Variants in BMPR1A observed in about 807,000 individuals in gnomAD.
BMPR1A encodes bone morphogenetic protein receptor type-1A.
Under a neutral mutation model 66.0 loss-of-function variants are expected in BMPR1A, and 7 were observed. That is an observed-to-expected ratio of 0.11 (90% confidence interval 0.06 to 0.20). The LOEUF is 0.20. BMPR1A is among the 10% of genes least tolerant of loss of function. The probability of loss-of-function intolerance (pLI) is 1.00; values close to 1 mark genes in which losing one functional copy is unlikely to be tolerated. For missense variants in BMPR1A, 408 were observed against 669.1 expected, an observed-to-expected ratio of 0.61 and a Z score of 4.31; for synonymous variants, 200 against 229.7, an observed-to-expected ratio of 0.87 and a Z score of 1.17.
chr10:86,832,268 T>C (rs926231376), intron 1 of BMPR1A, among the ~76,000 whole-genome samples: 1 of 152,094 alleles, frequency 6.6e-6, no homozygotes, highest in African/African-American at 2.4e-5. Flanking sequence ...GAATTCGAGA[T>C]GAGCCTGGCC....
intron 3 of BMPR1A, among the ~76,000 whole-genome samples, chr10:86,879,468 C>T (rs1349976110): frequency 6.6e-6 from 1 of 152,180 alleles, no homozygotes; most frequent in Non-Finnish European, 1.5e-5. Context: ...CCCTGAATCA[C>T]GTGGAGGAGG....
chr10:86,842,180 T>C (rs990485646), intron 2 of BMPR1A, among the ~76,000 whole-genome samples: 2 of 152,158 alleles, frequency 1.3e-5, no homozygotes, highest in African/African-American at 2.4e-5. Flanking sequence ...GATCTGATGC[T>C]GTCTCCAGGT....
chr10:86,791,683 T>TCCTTCCTTTCTCCCTCCCTCCCTC (rs1283624885), intron 1 of BMPR1A, among the ~76,000 whole-genome samples: 1 of 89,708 alleles, frequency 1.1e-5, no homozygotes, highest in Admixed American at 1.1e-4. Context: ...CTTCTTTACT[T>TCCTTCCTTTCTCCCTCCCTCCCTC]CCTTCCTCCC....
intron 1 of BMPR1A, among the ~76,000 whole-genome samples, chr10:86,813,851 C>T (rs1487306980): frequency 2.6e-5 from 4 of 152,152 alleles, no homozygotes; most frequent in African/African-American, 9.7e-5. Context: ...TAGTAGATAT[C>T]TCTAGAAGGG....
intron 1 of BMPR1A, among the ~76,000 whole-genome samples, chr10:86,824,112 T>TGTGTGTGTTTGTGTGTGTGTGTGTGTG (rs1564695887): frequency 6.6e-6 from 1 of 151,736 alleles, no homozygotes. Context: ...TGTGTGTGTG[T>TGTGTGTGTTTGTGTGTGTGTGTGTGTG]TTCTTTCAGT....
chr10:86,795,051 A>T (rs1043442697), intron 1 of BMPR1A, among the ~76,000 whole-genome samples: 1 of 151,826 alleles, frequency 6.6e-6, no homozygotes, highest in South Asian at 2.1e-4. Flanking sequence ...GGGTTTCTCC[A>T]TGTTGGTCAG....
At position 86,803,914 on chromosome 10, in the gene BMPR1A, C is replaced by T. The variant is rs903388309; in HGVS notation, c.-267-34951C>T. On this transcript the variant is annotated intron_variant, in intron 1 of 12. Transcript: ENST00000372037. ...TATATAGTTTACTAATTAATAAATT[C>T]GCGTTTCATCTTTCACAAGTCTTCT... is the stretch of plus-strand genomic sequence containing the variant. Among the ~76,000 whole-genome samples the T allele has an allele frequency of 3.9e-5, 6 of 152,014 alleles. No individual in the cohort carries two copies. The East Asian group carries it at 7.7e-4, about 20-fold the overall frequency.
chr10:86,820,951 A>G (rs1842113068), intron 1 of BMPR1A, among the ~76,000 whole-genome samples: 1 of 152,234 alleles, frequency 6.6e-6, no homozygotes, highest in African/African-American at 2.4e-5. Flanking sequence ...AATATGGAAA[A>G]GTATAAAGAA....
chr10:86,909,056 A>G (rs1165860035), intron 7 of BMPR1A, among the ~76,000 whole-genome samples: 2 of 152,330 alleles, frequency 1.3e-5, no homozygotes, highest in Middle Eastern at 3.4e-3. Context: ...AGAAAACAAC[A>G]GTCATGTTAT....
intron 7 of BMPR1A, among the ~76,000 whole-genome samples, chr10:86,908,384 C>A (rs1376081012): frequency 6.6e-6 from 1 of 152,140 alleles, no homozygotes; most frequent in Non-Finnish European, 1.5e-5. Flanking sequence ...TAAAGACATA[C>A]TCCTGAAAAT....
intron 1 of BMPR1A, among the ~76,000 whole-genome samples, chr10:86,796,190 C>G (rs74495809): frequency 4.0e-5 from 6 of 151,590 alleles, no homozygotes; most frequent in Non-Finnish European, 8.8e-5. Flanking sequence ...AGAATATATG[C>G]TTTTTTTTAA....
chr10:86,836,814 T>TA (rs1753981750), intron 1 of BMPR1A, among the ~76,000 whole-genome samples: 1 of 152,086 alleles, frequency 6.6e-6, no homozygotes, highest in African/African-American at 2.4e-5. Flanking sequence ...GTACCTGTAG[T>TA]CCCAGCTACT....
chr10:86,810,109 T>G (rs1299785737), intron 1 of BMPR1A, among the ~76,000 whole-genome samples: 1 of 152,010 alleles, frequency 6.6e-6, no homozygotes, highest in Non-Finnish European at 1.5e-5. Context: ...TAGCTGAGAT[T>G]ACAGGCGCCC....
At chr10:86,775,966 T>C (rs1220145669) in intron 1 of BMPR1A, among the ~76,000 whole-genome samples, 3 of 152,164 alleles carry the variant, frequency 2.0e-5, no homozygotes, top group Non-Finnish European at 4.4e-5. Flanking sequence ...CGCAGCTCTG[T>C]CTGTTCCCTT....
At chr10:86,764,644 C>T (rs1389945207) in intron 1 of BMPR1A, among the ~76,000 whole-genome samples, 1 of 152,170 alleles carries the variant, frequency 6.6e-6, no homozygotes, top group Non-Finnish European at 1.5e-5. Flanking sequence ...CCAAGTCAGC[C>T]TTTTCTGCTT....
chr10:86,922,316 A>C (rs1464636347), intron 11 of BMPR1A, among the ~76,000 whole-genome samples: 4 of 152,176 alleles, frequency 2.6e-5, no homozygotes, highest in African/African-American at 9.7e-5. Context: ...ATGGTCACTT[A>C]GGTTGCTTCC....
At chr10:86,822,429 G>A (rs78456176) in intron 1 of BMPR1A, among the ~76,000 whole-genome samples, 2,057 of 152,108 alleles carry the variant, frequency 0.014, 41 homozygotes, top group African/African-American at 0.047. Flanking sequence ...GTATACTCAC[G>A]GATCTGTACA....
At chr10:86,810,289 T>C (rs566332075) in intron 1 of BMPR1A, among the ~76,000 whole-genome samples, 91 of 152,276 alleles carry the variant, frequency 6.0e-4, no homozygotes, top group Non-Finnish European at 1.1e-3. Context: ...CTGCTGAATA[T>C]TATTTTATTG....
chr10:86,926,303 C>CTT lies in BMPR1A; in HGVS notation c.*2584_*2585insTT. 1 of 153,564 alleles carries CTT rather than the reference C, an allele frequency of 6.5e-6. No homozygotes were observed. The highest frequency in any genetic ancestry group is 1.5e-5 in the Non-Finnish European group (1 of 68,842). The allele number at this position is 153,564 out of a possible 1,614,324, so 9.5% of individuals were successfully genotyped here. On this transcript the variant is annotated 3_prime_UTR_variant, in exon 13 of 13. Coordinates refer to ENST00000372037, the MANE Select transcript of BMPR1A (RefSeq NM_004329.3). ...TTGGGAGGCTGAGGCGGGTGGATCA[C>CTT]AAGGTCAGGAGTTCAAGACCAGCCT...
Sources: allele counts gnomAD v4.1 joint callset (sites outside exome capture counted in the v4.1 genomes callset), GRCh38; gene constraint gnomAD v4.1.1; transcripts MANE v1.5; gene names NCBI Gene and HGNC (gene_info 2026-07-23, HGNC 2026-07-21).